The following GRID2 variants were observed in gnomAD, a reference collection of about 807,000 sequenced individuals.
GRID2 encodes glutamate ionotropic receptor delta type subunit 2.
A neutral mutation model predicts 114.8 loss-of-function variants in GRID2; 33 were observed. The observed-to-expected ratio is 0.29, with a 90% CI of 0.22 to 0.38. The LOEUF (loss-of-function observed/expected upper bound fraction) is 0.38. Ranked by LOEUF, GRID2 falls within the 10% of genes least tolerant of loss-of-function variation. The pLI is 1.00. For synonymous variants in GRID2, 505 were observed against 449.9 expected (o/e 1.12, Z -1.55); for missense variants, 1,184 against 1,257.7 (o/e 0.94, Z 0.89).
intron 2 of GRID2, among the ~76,000 whole-genome samples, chr4:93,010,941 C>T (rs139502513): frequency 0.032 from 4,838 of 151,780 alleles, 138 homozygotes; most frequent in African/African-American, 0.073. Flanking sequence ...CTTCTGTAGC[C>T]ACCTAATGGC....
chr4:92,512,142 G>T (rs762073581), intron 1 of GRID2, among the ~76,000 whole-genome samples: 3 of 151,540 alleles, frequency 2.0e-5, no homozygotes, highest in Admixed American at 1.3e-4. Flanking sequence ...TTTGCAATTG[G>T]CTTATTTCAC....
chr4:92,920,378 G>A (rs931490133), intron 2 of GRID2, among the ~76,000 whole-genome samples: 1 of 152,136 alleles, frequency 6.6e-6, no homozygotes, highest in Admixed American at 6.6e-5. Flanking sequence ...GTGTGAATTT[G>A]ATCCTGTCAT....
At chr4:93,067,673 G>T (rs1728423622) in intron 2 of GRID2, among the ~76,000 whole-genome samples, 1 of 151,770 alleles carries the variant, frequency 6.6e-6, no homozygotes, top group African/African-American at 2.4e-5. Flanking sequence ...AAGAAAAAGA[G>T]ATTTTCCTCT....
intron 2 of GRID2, among the ~76,000 whole-genome samples, chr4:92,877,783 G>T (rs1560661963): frequency 1.3e-5 from 2 of 152,142 alleles, no homozygotes; most frequent in Admixed American, 6.5e-5. Context: ...TAGGGACAAA[G>T]ATCAAGCATC....
At chr4:93,487,037 C>G (rs74821011) in intron 11 of GRID2, among the ~76,000 whole-genome samples, 2,159 of 151,756 alleles carry the variant, frequency 0.014, 101 homozygotes, top group Admixed American at 0.092. Context: ...TTTTCTATTT[C>G]TTTGGGGAGG....
At position 92,934,754 on chromosome 4, in the gene GRID2, C is replaced by A. The variant is rs1283575422; in HGVS notation, c.245-150241C>A. Among the ~76,000 whole-genome samples, 6 of 146,648 alleles carry A rather than the reference C, an allele frequency of 4.1e-5. 1 individual carries two copies. The East Asian group carries it at 1.1e-3, about 27-fold the overall frequency. ...CACTGCATGTCTACAACTATCTGATCTTTGACAAACCTGAGAAAAACAAGC... is the reference window on the plus strand; with the variant it reads ...CACTGCATGTCTACAACTATCTGATATTTGACAAACCTGAGAAAAACAAGC... On this transcript the variant is annotated intron_variant, in intron 2 of 15. Coordinates refer to ENST00000282020, the MANE Select transcript of GRID2 (RefSeq NM_001510.4).
intron 2 of GRID2, among the ~76,000 whole-genome samples, chr4:92,664,576 G>A (rs1045279746): frequency 6.6e-6 from 1 of 150,886 alleles, no homozygotes; most frequent in African/African-American, 2.4e-5. Flanking sequence ...AGCTTATTGT[G>A]TTTCTTCTCT....
At chr4:92,826,390 C>G (rs546598733) in intron 2 of GRID2, among the ~76,000 whole-genome samples, 25 of 152,138 alleles carry the variant, frequency 1.6e-4, no homozygotes, top group Admixed American at 1.2e-3. Context: ...ACCAGCAATC[C>G]CTAACACACC....
intron 10 of GRID2, among the ~76,000 whole-genome samples, chr4:93,435,628 A>G (rs761783664): frequency 1.3e-5 from 2 of 152,204 alleles, no homozygotes; most frequent in African/African-American, 2.4e-5. Context: ...GACTCCTTAC[A>G]TGCTCTTACT....
chr4:92,931,278 C>T (rs1236280779), intron 2 of GRID2, among the ~76,000 whole-genome samples: 1 of 150,962 alleles, frequency 6.6e-6, no homozygotes, highest in Admixed American at 6.6e-5. Context: ...AAAAGCCTGA[C>T]ATGACACTCA....
At chr4:93,717,127 A>C (rs1728968233) in intron 14 of GRID2, among the ~76,000 whole-genome samples, 1 of 152,136 alleles carries the variant, frequency 6.6e-6, no homozygotes, top group Admixed American at 6.5e-5. Flanking sequence ...CTTCCTTTGA[A>C]AAGTCTAATT....
intron 14 of GRID2, among the ~76,000 whole-genome samples, chr4:93,735,844 C>G (rs1241903610): frequency 6.6e-6 from 1 of 151,884 alleles, no homozygotes; most frequent in African/African-American, 2.4e-5. Context: ...TTTTCTTTTT[C>G]TGTTTTGTTA....
chr4:92,687,710 T>A (rs1281735353), intron 2 of GRID2, among the ~76,000 whole-genome samples: 1 of 151,896 alleles, frequency 6.6e-6, no homozygotes, highest in Non-Finnish European at 1.5e-5. Flanking sequence ...GCGCCTATAA[T>A]CGCAGCTACT....
At position 93,258,857 on chromosome 4, in the gene GRID2, T is replaced by A. The variant is rs762648342; in HGVS notation, c.1245+20367T>A. ...GAAAGTAATTAACAAACACAACTAC[T>A]GCAAGATTCATTTATTATCCTCTCT... On this transcript the variant is annotated intron_variant, in intron 8 of 15. Coordinates refer to ENST00000282020, the MANE Select transcript of GRID2 (RefSeq NM_001510.4). The A allele has an allele frequency of 6.6e-5, 30 of 452,552 alleles. 1 individual carries two copies. Among genetic ancestry groups the A allele is most frequent in the South Asian group, 4.5e-4 (29 of 64,114 alleles). 28.0% of individuals were successfully genotyped at this position (452,552 alleles called of 1,614,324 possible).
chr4:92,800,476 A>G (rs1180933596), intron 2 of GRID2, among the ~76,000 whole-genome samples: 1 of 152,016 alleles, frequency 6.6e-6, no homozygotes, highest in Non-Finnish European at 1.5e-5. Flanking sequence ...AGCAAATAGG[A>G]AATAAAATAG....
intron 13 of GRID2, among the ~76,000 whole-genome samples, chr4:93,542,332 AAAAAAGTACCTT>A (rs1732733330): frequency 6.6e-6 from 1 of 152,142 alleles, no homozygotes; most frequent in Non-Finnish European, 1.5e-5. Flanking sequence ...TGAGCCCCAG[AAAAAAGTACCTT>A]TTCTCCTTGG....
At chr4:93,179,972 C>T (rs1054663021) in intron 4 of GRID2, among the ~76,000 whole-genome samples, 4 of 152,100 alleles carry the variant, frequency 2.6e-5, no homozygotes, top group African/African-American at 7.2e-5. Context: ...CATTCTAACT[C>T]TCGGAATACG....
chr4:92,379,341 G>T (rs559409982), intron 1 of GRID2, among the ~76,000 whole-genome samples: 1 of 152,030 alleles, frequency 6.6e-6, no homozygotes, highest in East Asian at 1.9e-4. Context: ...ATGAGTTTGG[G>T]CTTTGTGTAA....
At chr4:93,750,693 T>C (rs1732247736) in intron 14 of GRID2, among the ~76,000 whole-genome samples, 1 of 151,722 alleles carries the variant, frequency 6.6e-6, no homozygotes, top group Admixed American at 6.6e-5. Flanking sequence ...GAGGCAGAGC[T>C]TGCAGTGAGC....
Sources: gnomAD v4.1 joint callset for allele counts (sites outside exome capture counted in the v4.1 genomes callset) on GRCh38, gnomAD v4.1.1 for gene constraint, MANE v1.5 for transcripts, NCBI Gene and HGNC (gene_info 2026-07-23, HGNC 2026-07-21) for gene names.